GNL1: variants seen among roughly 807,000 people sequenced by gnomAD.
GNL1 encodes G protein nucleolar 1, also known as guanine nucleotide-binding protein-like 1.
In GNL1, 21 loss-of-function variants were observed where a neutral mutation model predicts 75.2. The ratio of observed to expected loss-of-function variants is 0.28; its 90% CI spans 0.20 to 0.40. The LOEUF is 0.40. Among genes scored for constraint, GNL1 ranks in the 10% least tolerant of loss-of-function variants. GNL1 has a pLI of 1.00. For synonymous variants in GNL1, 287 were observed against 303.4 expected, an observed-to-expected ratio of 0.95 and a Z score of 0.56; for missense variants, 579 against 775.0, an observed-to-expected ratio of 0.75 and a Z score of 3.00.
In GNL1 at chr6:30,547,554, CG is replaced by C; in HGVS notation, c.1100-25del. The C allele has an allele frequency of 6.2e-7, 1 of 1,605,644 alleles. No individual in the cohort carries two copies. Among genetic ancestry groups the C allele is most frequent in the Non-Finnish European group, 8.5e-7 (1 of 1,172,938 alleles). The stretch of plus-strand genomic sequence containing the variant: ...ACCTGAGGAAGGCAAGGAAAATTAA[CG>C]TTTAACAGGTTTCTACTCTGTGATG... On this transcript the variant is annotated intron_variant, in intron 8 of 11. Transcript: ENST00000376621. The surrounding 1 kb of genome is among the most constrained non-coding windows in gnomAD (Gnocchi z 5.5).
chr6:30,555,827 G>T lies in GNL1; in HGVS notation c.74-107C>A. 1 of 1,203,636 alleles carries T rather than the reference G, an allele frequency of 8.3e-7. No homozygotes were observed. Among genetic ancestry groups the T allele is most frequent in the Non-Finnish European group, 1.2e-6 (1 of 846,488 alleles). The allele number at this position is 1,203,636 out of a possible 1,614,324, so 74.6% of individuals were successfully genotyped here. On this transcript the variant is annotated intron_variant, in intron 1 of 11. Coordinates refer to ENST00000376621, the MANE Select transcript of GNL1 (RefSeq NM_005275.5). The surrounding 1 kb of genome is among the most constrained non-coding windows in gnomAD (Gnocchi z 4.3). ...TTCATCCCACTCAACTTCTTCCGATGTTCAGTCCTCCCAGACACCCTATTT... is the reference window on the plus strand; with the variant it reads ...TTCATCCCACTCAACTTCTTCCGATTTTCAGTCCTCCCAGACACCCTATTT...
In GNL1 at chr6:30,553,453, C is replaced by T. The variant is rs746882476; in HGVS notation, c.705G>A (p.Val235=). 6.2e-7 allele frequency: 1 copy of T among 1,612,960 alleles called. No homozygotes were observed. ...NKVDLAPPAL[V]VAWKHYFHQH... ...GATGGAAATAATGCTTCCAGGCAAC[C>T]ACAAGAGCTGGCGGGGCCAGATCCA... The change falls in exon 6 of 12, where the codon GTG becomes GTA. Residue 235 remains valine, a synonymous_variant. Transcript: ENST00000376621.
Position 30,556,478 on chromosome 6 carries a change from G to A in GNL1, c.-275C>T. On this transcript the variant is annotated 5_prime_UTR_variant, in exon 1 of 12. Transcript: ENST00000376621. This position sits in a 1 kb window ranked among gnomAD's most constrained non-coding sequence, Gnocchi z 5.7. ...CCAGTGGCACCGAGAGGGCGCCCCG[G>A]CGGCGAGGAAGGAGGCGCGCGTGGG... 1 of 554,752 alleles carries A rather than the reference G, an allele frequency of 1.8e-6. No homozygotes were observed. 34.4% of individuals were successfully genotyped at this position (554,752 alleles called of 1,614,324 possible). A position where few individuals can be genotyped will look rare whatever the true frequency, so the allele number is the denominator to read the frequency against.
intron 8 of GNL1, among the ~76,000 whole-genome samples, chr6:30,550,754 T>G (rs560926736): frequency 2.5e-4 from 38 of 152,114 alleles, no homozygotes; most frequent in Non-Finnish European, 4.4e-4. Flanking sequence ...GCCCTGGTGA[T>G]CTTGCTGACC....
At position 30,556,213 on chromosome 6, in the gene GNL1, C is replaced by T. The variant is rs1322575912; in HGVS notation, c.-10G>A. ...GCTTCTTCCTCGGCATGGCCCGGACCAGTCACCTGGCCCGCCCTCCGCCGA... is the reference window on the plus strand; with the variant it reads ...GCTTCTTCCTCGGCATGGCCCGGACTAGTCACCTGGCCCGCCCTCCGCCGA... On this transcript the variant is annotated 5_prime_UTR_variant, in exon 1 of 12. Coordinates refer to ENST00000376621, the MANE Select transcript of GNL1 (RefSeq NM_005275.5). The surrounding 1 kb of genome is among the most constrained non-coding windows in gnomAD (Gnocchi z 5.7). The T allele has an allele frequency of 5.6e-6, 9 of 1,602,788 alleles. No individual in the cohort carries two copies. The highest frequency in any genetic ancestry group is 7.6e-6 in the Non-Finnish European group (9 of 1,179,778).
Position 30,556,447 on chromosome 6 carries a change from T to A in GNL1, c.-244A>T. 2 of 571,270 alleles carry A rather than the reference T, an allele frequency of 3.5e-6. No homozygotes were observed. Among genetic ancestry groups the A allele is most frequent in the East Asian group, 3.1e-5 (1 of 32,760 alleles). The allele number at this position is 571,270 out of a possible 1,614,324, so 35.4% of individuals were successfully genotyped here. A position where few individuals can be genotyped will look rare whatever the true frequency, so the allele number is the denominator to read the frequency against. On this transcript the variant is annotated 5_prime_UTR_variant, in exon 1 of 12. Transcript: ENST00000376621. This position sits in a 1 kb window ranked among gnomAD's most constrained non-coding sequence, Gnocchi z 5.7. ...TGATGCGGGGTGGGCTACTGGCACG[T>A]GAGAGCCAGTGGCACCGAGAGGGCG...
In GNL1 at chr6:30,555,800, C is replaced by G; in HGVS notation, c.74-80G>C. ...CCCTCTCCCCCATCGGCCTGACTCC[C>G]TTTCATCCCACTCAACTTCTTCCGA... On this transcript the variant is annotated intron_variant, in intron 1 of 11. Transcript: ENST00000376621. This position sits in a 1 kb window ranked among gnomAD's most constrained non-coding sequence, Gnocchi z 4.3. The G allele has an allele frequency of 7.0e-7, 1 of 1,419,632 alleles. No homozygotes were observed. The highest frequency in any genetic ancestry group is 9.8e-7 in the Non-Finnish European group (1 of 1,024,672). 87.9% of individuals were successfully genotyped at this position (1,419,632 alleles called of 1,614,324 possible). A position where few individuals can be genotyped will look rare whatever the true frequency, so the allele number is the denominator to read the frequency against.
At position 30,553,382 on chromosome 6, in the gene GNL1, C is replaced by T. The variant is rs764396007; in HGVS notation, c.776G>A (p.Arg259Gln). 2.8e-5 allele frequency: 45 copies of T among 1,612,188 alleles called. No individual in the cohort carries two copies. The highest frequency in any genetic ancestry group is 3.5e-5 in the Non-Finnish European group (41 of 1,179,982). ...LHVVLFTSFP[R>Q]DPRTPQDPSS... The stretch of plus-strand genomic sequence containing the variant: ...AGGGTCCTGTGGGGTGCGGGGGTCC[C>T]GAGGAAAAGAGGTGAAAAGGACGAC... The change falls in exon 6 of 12, where the codon CGG (arginine) becomes CAG (glutamine). Residue 259 changes from arginine (R) to glutamine (Q), a missense_variant. By Grantham distance (43) the Arg-to-Gln change is conservative. Coordinates refer to ENST00000376621, the MANE Select transcript of GNL1 (RefSeq NM_005275.5).
At position 30,543,806 on chromosome 6, in the gene GNL1, G is replaced by A. The variant is rs1799303742; in HGVS notation, c.*2266C>T. ...ACACAGCTACCCTGTTCCAGAAGCA[G>A]GACTATAATCCCATCTGGAAAAAGG... On this transcript the variant is annotated 3_prime_UTR_variant, in exon 12 of 12. Coordinates refer to ENST00000376621, the MANE Select transcript of GNL1 (RefSeq NM_005275.5). The A allele has an allele frequency of 2.0e-5, 3 of 152,138 alleles. No homozygotes were observed. The highest frequency in any genetic ancestry group is 7.2e-5 in the African/African-American group (3 of 41,426). The allele number at this position is 152,138 out of a possible 1,614,324, so 9.4% of individuals were successfully genotyped here.
chr6:30,546,186 C>A lies in GNL1; in HGVS notation c.1710G>T (p.Glu570Asp). ...CTCCCTCCTCATCCGCATCCCGGTC[C>A]TCCTCTCCCTCCTCCTCACAGGAGC... ...LSSSCEEEGE[E>D]DRDADEEGEG... The change falls in exon 12 of 12, where the codon GAG (glutamate) becomes GAT (aspartate). Residue 570 changes from glutamate to aspartate, a missense_variant. Physicochemically the swap from Glu to Asp is conservative, Grantham distance 45. Transcript: ENST00000376621. This position sits in a 1 kb window ranked among gnomAD's most constrained non-coding sequence, Gnocchi z 5.1. 1.3e-6 allele frequency: 2 copies of A among 1,542,710 alleles called. No individual in the cohort carries two copies. Among genetic ancestry groups the A allele is most frequent in the South Asian group, 1.2e-5 (1 of 84,928 alleles).
Position 30,546,537 on chromosome 6 carries a change from T to C in GNL1, c.1582+159A>G. On this transcript the variant is annotated intron_variant, in intron 11 of 11. Coordinates refer to ENST00000376621, the MANE Select transcript of GNL1 (RefSeq NM_005275.5). The surrounding 1 kb of genome is among the most constrained non-coding windows in gnomAD (Gnocchi z 5.1). ...AATCACTATGCTAAGGGTCAATTAT[T>C]ACCCTCAGTTTGCAGATCAGGAAAA... 1.4e-6 allele frequency: 1 copy of C among 713,878 alleles called. No individual in the cohort carries two copies. Among genetic ancestry groups the C allele is most frequent in the Admixed American group, 2.6e-5 (1 of 38,284 alleles). The allele number at this position is 713,878 out of a possible 1,614,324, so 44.2% of individuals were successfully genotyped here.
intron 8 of GNL1, among the ~76,000 whole-genome samples, chr6:30,551,048 A>T (rs1219206098): frequency 3.3e-5 from 5 of 152,234 alleles, no homozygotes; most frequent in Admixed American, 3.3e-4. Context: ...CCATGAATCT[A>T]CAGACCTTTT....
In GNL1 at chr6:30,548,062, G is replaced by C. The variant is rs1036147628; in HGVS notation, c.1100-532C>G. Among the ~76,000 whole-genome samples, 6 of 152,198 alleles carry C rather than the reference G, an allele frequency of 3.9e-5. No homozygotes were observed. The highest frequency in any genetic ancestry group is 8.8e-5 in the Non-Finnish European group (6 of 67,998). On this transcript the variant is annotated intron_variant, in intron 8 of 11. Transcript: ENST00000376621. The surrounding 1 kb of genome is among the most constrained non-coding windows in gnomAD (Gnocchi z 4.2). The stretch of plus-strand genomic sequence containing the variant: ...GTGGTGGTGGGCGCCTGTAATTGCA[G>C]CTACTTGGGAGGCTGAGGCAGGAGA...
At position 30,552,404 on chromosome 6, in the gene GNL1, C is replaced by T. The variant is rs996678696; in HGVS notation, c.1099+63G>A. On this transcript the variant is annotated intron_variant, in intron 8 of 11. Transcript: ENST00000376621. This position sits in a 1 kb window ranked among gnomAD's most constrained non-coding sequence, Gnocchi z 4.5. Reference sequence around the variant, plus strand: ...ATGAGACCTGATCGCCCTCTCTCTTCTCCGAATATGAAAACTCTGTACCTC... The same window carrying T: ...ATGAGACCTGATCGCCCTCTCTCTTTTCCGAATATGAAAACTCTGTACCTC... 7.2e-7 allele frequency: 1 copy of T among 1,393,420 alleles called. No individual in the cohort carries two copies. The highest frequency in any genetic ancestry group is 1.0e-6 in the Non-Finnish European group (1 of 996,926). The allele number at this position is 1,393,420 out of a possible 1,614,324, so 86.3% of individuals were successfully genotyped here. A position where few individuals can be genotyped will look rare whatever the true frequency, so the allele number is the denominator to read the frequency against.
At position 30,548,624 on chromosome 6, in the gene GNL1, T is replaced by G. The variant is rs1028403979; in HGVS notation, c.1100-1094A>C. Among the ~76,000 whole-genome samples, 2 of 152,132 alleles carry G rather than the reference T, an allele frequency of 1.3e-5. No individual in the cohort carries two copies. The highest frequency in any genetic ancestry group is 4.8e-5 in the African/African-American group (2 of 41,412). On this transcript the variant is annotated intron_variant, in intron 8 of 11. Transcript: ENST00000376621. The surrounding 1 kb of genome is among the most constrained non-coding windows in gnomAD (Gnocchi z 4.2). Reference sequence around the variant, plus strand: ...CTGGTCCCACTTCTCCCCTCTATCTTACTCACCTGGCAAAATCCCAACCCT... The same window carrying G: ...CTGGTCCCACTTCTCCCCTCTATCTGACTCACCTGGCAAAATCCCAACCCT...
intron 7 of GNL1, 23 bp downstream of exon 7, chr6:30,553,061 G>A: frequency 1.3e-6 from 2 of 1,515,212 alleles, no homozygotes; most frequent in Non-Finnish European, 1.8e-6. Context: ...TCCTCCTACA[G>A]CCCTCCTCTA....
chr6:30,553,734 C>A (rs975128701), intron 5 of GNL1, among the ~76,000 whole-genome samples, 177 bp from the exon 6 acceptor site: 1 of 152,194 alleles, frequency 6.6e-6, no homozygotes, highest in African/African-American at 2.4e-5. Flanking sequence ...GTTAGTAATA[C>A]TTCTGAGTCT....
At chr6:30,554,234 T>C (rs1327897715) in intron 5 of GNL1, among the ~76,000 whole-genome samples, 4 of 152,162 alleles carry the variant, frequency 2.6e-5, no homozygotes, top group Non-Finnish European at 4.4e-5. Flanking sequence ...GCTAGAGAAA[T>C]GAGATAAGGA....
intron 8 of GNL1, among the ~76,000 whole-genome samples, chr6:30,551,625 T>TA (rs1799783840): frequency 6.6e-6 from 1 of 152,132 alleles, no homozygotes; most frequent in African/African-American, 2.4e-5. Flanking sequence ...GCAACAAACT[T>TA]AAAGGGTTAA....
Sources: gnomAD v4.1 joint callset for allele counts (sites outside exome capture counted in the v4.1 genomes callset) on GRCh38, gnomAD v4.1.1 for gene constraint, Gnocchi (gnomAD v3.1) non-coding constraint, MANE v1.5 for transcripts, NCBI Gene and HGNC (gene_info 2026-07-23, HGNC 2026-07-21) for gene names.